SLC15A2: variants seen among roughly 807,000 people sequenced by gnomAD.
SLC15A2 encodes the protein kidney H(+)/peptide cotransporter.
SLC15A2 carries 77 observed loss-of-function variants against 95.5 expected under a neutral mutation model. That is an observed-to-expected ratio of 0.81 (90% CI 0.67 to 0.97). SLC15A2 has a LOEUF of 0.97. SLC15A2 is among the 50% of genes least tolerant of loss of function. SLC15A2 has a pLI of 0.00. For missense variants in SLC15A2, 893 were observed against 874.4 expected (o/e 1.02, Z -0.27); for synonymous variants, 306 against 306.9 (o/e 1.00, Z 0.03).
intron 3 of SLC15A2, among the ~76,000 whole-genome samples, chr3:121,904,131 T>C (rs1474061344): frequency 6.6e-6 from 1 of 152,356 alleles, no homozygotes; most frequent in Admixed American, 6.5e-5. Context: ...GGAAGTTCAC[T>C]CATGATTTGG....
intron 12 of SLC15A2, 85 bp from the exon 13 acceptor site, chr3:121,924,860 G>C: frequency 1.1e-6 from 1 of 934,084 alleles, no homozygotes. Flanking sequence ...ATGTGAGACA[G>C]AGTGTAAACA....
At chr3:121,912,076 G>A (rs1010934718) in intron 4 of SLC15A2, among the ~76,000 whole-genome samples, 1 of 152,156 alleles carries the variant, frequency 6.6e-6, no homozygotes. Flanking sequence ...TGCTATTGAT[G>A]TTTATGGGAT....
chr3:121,925,104 A>G, intron 13 of SLC15A2, 71 bp downstream of exon 13: 1 of 1,062,382 alleles, frequency 9.4e-7, no homozygotes, highest in South Asian at 1.3e-5. Flanking sequence ...AAAAAGATTC[A>G]ATGTCAGTAT....
chr3:121,940,777 T>A (rs1300944842), intron 21 of SLC15A2, 54 bp from the exon 22 acceptor site: 1 of 1,548,076 alleles, frequency 6.5e-7, no homozygotes, highest in African/African-American at 1.4e-5. Flanking sequence ...CCTGTAAAGA[T>A]CTCTTTAGTT....
chr3:121,940,717 A>C, intron 21 of SLC15A2, 114 bp from the exon 22 acceptor site: 1 of 1,158,490 alleles, frequency 8.6e-7, no homozygotes, highest in East Asian at 2.4e-5. Context: ...TGTCCAGCAA[A>C]AGTCTGGTTA....
Position 121,896,459 on chromosome 3 carries a change from A to G in SLC15A2, c.159A>G (p.Glu53=). 6.2e-7 allele frequency: 1 copy of G among 1,614,142 alleles called. No homozygotes were observed. Among genetic ancestry groups the G allele is most frequent in the Non-Finnish European group, 8.5e-7 (1 of 1,179,996 alleles). Residue 53 remains glutamate, a synonymous_variant, in exon 2 of 22, where the codon GAA becomes GAG. Coordinates refer to ENST00000489711, the MANE Select transcript of SLC15A2 (RefSeq NM_021082.4). ...PLSIAFIVVN[E]FCERFSYYGM... ...GCATTGCCTTCATTGTGGTGAATGA[A>G]TTCTGCGAGCGCTTTTCCTATTATG...
At position 121,940,942 on chromosome 3, in the gene SLC15A2, G is replaced by A. The variant is rs774866383; in HGVS notation, c.2125G>A (p.Asp709Asn). The A allele has an allele frequency of 6.2e-7, 1 of 1,614,182 alleles. No homozygotes were observed. Among genetic ancestry groups the A allele is most frequent in the South Asian group, 1.1e-5 (1 of 91,074 alleles). ...GACAGAGGATATGCGGGGTCCAGCA[G>A]ATAAGCACATTCCTCACATCCAGGG... ...VKTEDMRGPADKHIPHIQGNM... is the reference protein window; with the variant it reads ...VKTEDMRGPANKHIPHIQGNM... Residue 709 changes from aspartate (D) to asparagine (N), a missense_variant, in exon 22 of 22, where the codon GAT becomes AAT. Transcript: ENST00000489711.
At chr3:121,921,682 T>G (rs1470656332) in intron 7 of SLC15A2, among the ~76,000 whole-genome samples, 6 of 152,178 alleles carry the variant, frequency 3.9e-5, no homozygotes, top group Admixed American at 3.9e-4. Flanking sequence ...AAGAAACATT[T>G]GGCATCAGAT....
At chr3:121,930,745 G>T (rs1158279754) in intron 17 of SLC15A2, 95 bp from the exon 18 acceptor site, 1 of 702,556 alleles carries the variant, frequency 1.4e-6, no homozygotes, top group Non-Finnish European at 2.5e-6. Context: ...CCTGGGCACT[G>T]GGGATATAGT....
intron 3 of SLC15A2, among the ~76,000 whole-genome samples, chr3:121,900,400 T>A (rs1337843002): frequency 2.6e-5 from 4 of 152,188 alleles, no homozygotes; most frequent in African/African-American, 9.7e-5. Flanking sequence ...ACATCTAAAA[T>A]GTTTTTACTG....
At chr3:121,911,398 C>T (rs1709763741) in intron 3 of SLC15A2, among the ~76,000 whole-genome samples, 176 bp from the exon 4 acceptor site, 1 of 152,192 alleles carries the variant, frequency 6.6e-6, no homozygotes, top group Non-Finnish European at 1.5e-5. Context: ...TTTTCCTAGT[C>T]TGTTCACTTC....
chr3:121,941,231 A>C lies in SLC15A2; in HGVS notation c.*224A>C. 2.4e-6 allele frequency: 1 copy of C among 423,340 alleles called. No homozygotes were observed. The highest frequency in any genetic ancestry group is 4.2e-6 in the Non-Finnish European group (1 of 238,604). The allele number at this position is 423,340 out of a possible 1,614,324, so 26.2% of individuals were successfully genotyped here. ...TCAGTGAACTCATTAAAACTTGTGCAGTGTTGCTGGAGCTGGCCTGGTGTC... is the reference window on the plus strand; with the variant it reads ...TCAGTGAACTCATTAAAACTTGTGCCGTGTTGCTGGAGCTGGCCTGGTGTC... On this transcript the variant is annotated 3_prime_UTR_variant, in exon 22 of 22. Coordinates refer to ENST00000489711, the MANE Select transcript of SLC15A2 (RefSeq NM_021082.4).
At chr3:121,933,332 G>A (rs1187903227) in intron 19 of SLC15A2, among the ~76,000 whole-genome samples, 21 of 151,046 alleles carry the variant, frequency 1.4e-4, no homozygotes, top group East Asian at 9.7e-4. Flanking sequence ...CTGAGGAATC[G>A]CCACACTGAC....
intron 3 of SLC15A2, among the ~76,000 whole-genome samples, chr3:121,903,027 C>T (rs553425888): frequency 3.3e-5 from 5 of 152,298 alleles, no homozygotes; most frequent in Non-Finnish European, 7.4e-5. Flanking sequence ...TGTCTCCTGC[C>T]TTTTTAATGA....
At chr3:121,898,494 T>A (rs1366289274) in intron 3 of SLC15A2, among the ~76,000 whole-genome samples, 1 of 152,212 alleles carries the variant, frequency 6.6e-6, no homozygotes, top group Non-Finnish European at 1.5e-5. Flanking sequence ...GGTTATCCCC[T>A]GCCCAATTAT....
chr3:121,919,346 G>A (rs547005343), intron 7 of SLC15A2, among the ~76,000 whole-genome samples: 2 of 152,164 alleles, frequency 1.3e-5, no homozygotes, highest in African/African-American at 4.8e-5. Flanking sequence ...GAGGAATGGG[G>A]TGTGTGGACA....
At chr3:121,922,189 G>A in intron 7 of SLC15A2, 31 bp from the exon 8 acceptor site, 4 of 1,581,708 alleles carry the variant, frequency 2.5e-6, no homozygotes, top group Non-Finnish European at 2.6e-6. Context: ...TAAATGAGAA[G>A]CTAAGAACCT....
rs371450618 is a variant in SLC15A2, at chr3:121,940,929, G to T, written c.2112G>T (p.Met704Ile). ...ATGTTCCTGTAAAGACAGAGGATAT[G>T]CGGGGTCCAGCAGATAAGCACATTC... ...YYYVPVKTED[M>I]RGPADKHIPH... Residue 704 changes from methionine to isoleucine, a missense_variant, in exon 22 of 22, where the codon ATG becomes ATT. Coordinates refer to ENST00000489711, the MANE Select transcript of SLC15A2 (RefSeq NM_021082.4). 1.2e-5 allele frequency: 19 copies of T among 1,614,082 alleles called. No individual in the cohort carries two copies. The Middle Eastern group carries it at 2.1e-3, about 182-fold the overall frequency.
chr3:121,925,154 G>T, intron 13 of SLC15A2, 121 bp downstream of exon 13: 1 of 722,328 alleles, frequency 1.4e-6, no homozygotes. Flanking sequence ...TCATCTATCT[G>T]CTTCTATTTT....
Sources: allele counts gnomAD v4.1 joint callset (sites outside exome capture counted in the v4.1 genomes callset), GRCh38; gene constraint gnomAD v4.1.1; transcripts MANE v1.5; gene names NCBI Gene and HGNC (gene_info 2026-07-23, HGNC 2026-07-21).